Variants in FAAP20 observed in about 807,000 individuals in gnomAD.
FAAP20 encodes the protein FA core complex associated protein 20.
A neutral mutation model predicts 16.2 loss-of-function variants in FAAP20; 12 were observed. The observed-to-expected ratio is 0.74, with a 90% CI of 0.48 to 1.20. The LOEUF is 1.20. FAAP20 is among the 50% of genes most tolerant of loss of function. The pLI is 0.00. For synonymous variants in FAAP20, 141 were observed against 110.7 expected, an observed-to-expected ratio of 1.27 and a Z score of -1.72; for missense variants, 288 against 245.8, an observed-to-expected ratio of 1.17 and a Z score of -1.15.
chr1:2,189,849 G>A (rs1218924925), intron 3 of FAAP20, 68 bp from the exon 4 acceptor site: 5 of 1,246,446 alleles, frequency 4.0e-6, no homozygotes, highest in Non-Finnish European at 5.9e-6. Context: ...GCACCGTCTG[G>A]ACCTCCGGGC....
At chr1:2,194,825 C>A, upstream of FAAP20, 3 of 1,082,530 alleles carry the variant, frequency 2.8e-6, no homozygotes, top group Non-Finnish European at 3.4e-6. Context: ...CCCGGCCCCG[C>A]CTCCAGACCT....
upstream of FAAP20, among the ~76,000 whole-genome samples, chr1:2,194,958 TG>T (rs1688743155): frequency 6.7e-6 from 1 of 150,284 alleles, no homozygotes; most frequent in Non-Finnish European, 1.5e-5. Context: ...GGCGTGAGGG[TG>T]GGGGGCCCAG....
chr1:2,192,376 C>A (rs1324376246), intron 3 of FAAP20: 2 of 994,736 alleles, frequency 2.0e-6, no homozygotes, highest in Non-Finnish European at 2.4e-6. Context: ...TTCATTGACG[C>A]CTACTTAGGA....
downstream of FAAP20, chr1:2,185,071 C>G: frequency 1.4e-6 from 2 of 1,456,034 alleles, no homozygotes; most frequent in Non-Finnish European, 1.9e-6. Flanking sequence ...CCTTAACCAC[C>G]GCATATGCAT....
downstream of FAAP20, chr1:2,184,488 CTG>C: frequency 2.4e-6 from 2 of 848,012 alleles, no homozygotes; most frequent in South Asian, 1.7e-5. Flanking sequence ...GACTTTCTCA[CTG>C]TTTCATTTTG....
chr1:2,190,641 C>A (rs1028718458), intron 3 of FAAP20: 1 of 346,778 alleles, frequency 2.9e-6, no homozygotes. Flanking sequence ...CTGCCGGGGA[C>A]GATGTCCCGG....
chr1:2,190,434 G>T (rs1299409877), intron 3 of FAAP20: 1 of 444,834 alleles, frequency 2.2e-6, no homozygotes, highest in Admixed American at 2.4e-5. Flanking sequence ...TCAGCGCCCT[G>T]GGCATCCAGT....
upstream of FAAP20, among the ~76,000 whole-genome samples, chr1:2,204,200 C>T (rs1191864880): frequency 6.6e-6 from 1 of 152,258 alleles, no homozygotes; most frequent in Non-Finnish European, 1.5e-5. Flanking sequence ...GTCACTATCT[C>T]TGCAGCCCGC....
exon 1 of FAAP20, chr1:2,212,551 C>T (rs546557634): frequency 6.1e-6 from 1 of 165,258 alleles, no homozygotes; most frequent in African/African-American, 2.4e-5. Context: ...AGCAGTACCT[C>T]CAAGGCCTGG....
intron 3 of FAAP20, chr1:2,190,069 C>G (rs1242101844): frequency 1.7e-6 from 1 of 583,776 alleles, no homozygotes; most frequent in Non-Finnish European, 3.2e-6. Flanking sequence ...CTGGCGCCTG[C>G]TCAGCTTGAG....
intron 3 of FAAP20, among the ~76,000 whole-genome samples, chr1:2,205,411 G>A (rs1448548267): frequency 6.7e-6 from 1 of 149,918 alleles, no homozygotes; most frequent in Non-Finnish European, 1.5e-5. Flanking sequence ...AGCCCCGCGA[G>A]GGGAGCCTGT....
chr1:2,185,443 AGACGC>A (rs1687445057), downstream of FAAP20: 1 of 718,600 alleles, frequency 1.4e-6, no homozygotes, highest in South Asian at 1.5e-5. Flanking sequence ...CCCACATCTC[AGACGC>A]AACCCACACG....
chr1:2,186,592 G>A (rs557407971), downstream of FAAP20, among the ~76,000 whole-genome samples: 1 of 150,822 alleles, frequency 6.6e-6, no homozygotes, highest in Non-Finnish European at 1.5e-5. Context: ...TCCAAAGACG[G>A]AAAGTTAGAA....
downstream of FAAP20, among the ~76,000 whole-genome samples, chr1:2,211,415 ATATATATATATATATATATATTTTTT>A (rs1689435610): frequency 1.4e-4 from 2 of 14,502 alleles, no homozygotes; most frequent in Non-Finnish European, 2.1e-4. Context: ...ATATATATAT[ATATATATATATATATATATATTTTTT>A]TTTTTTTTTT....
chr1:2,191,550 G>C (rs1431012556), intron 3 of FAAP20: 2 of 152,614 alleles, frequency 1.3e-5, no homozygotes, highest in East Asian at 3.9e-4. Context: ...TTCAAGACCA[G>C]CCTGACCAAC....
downstream of FAAP20, among the ~76,000 whole-genome samples, chr1:2,188,578 T>A (rs1438942141): frequency 6.6e-6 from 1 of 152,176 alleles, no homozygotes; most frequent in Non-Finnish European, 1.5e-5. Flanking sequence ...CGACCTCCTG[T>A]CCTGGCAGAG....
upstream of FAAP20, chr1:2,201,194 G>A: frequency 8.1e-7 from 1 of 1,239,898 alleles, no homozygotes; most frequent in Non-Finnish European, 1.0e-6. Context: ...GGAGCCGTGG[G>A]GTGGCTCCAT....
upstream of FAAP20, among the ~76,000 whole-genome samples, chr1:2,202,573 C>T (rs993804699): frequency 3.9e-5 from 6 of 152,144 alleles, no homozygotes; most frequent in Admixed American, 1.3e-4. Context: ...AAGAAATCCT[C>T]CCACTTCAGC....
At chr1:2,207,776 C>G (rs1689315887), downstream of FAAP20, 1 of 152,482 alleles carries the variant, frequency 6.6e-6, no homozygotes, top group Non-Finnish European at 1.5e-5. Context: ...GGGGAGAGCT[C>G]TGTCCCGGCT....
Sources: allele counts gnomAD v4.1 joint callset (sites outside exome capture counted in the v4.1 genomes callset), GRCh38; gene constraint gnomAD v4.1.1; transcripts MANE v1.5; gene names NCBI Gene and HGNC (gene_info 2026-07-23, HGNC 2026-07-21).